Variants in NBPF20 observed in about 807,000 individuals in gnomAD.
The protein encoded by NBPF20 is NBPF member 20.
Under a neutral mutation model 68.1 loss-of-function variants are expected in NBPF20, and 90 were observed. The observed-to-expected ratio is 1.32, with a 90% CI of 1.11 to 1.58. NBPF20 has a LOEUF of 1.58. Among genes scored for constraint, NBPF20 ranks in the 40% most tolerant of loss-of-function variants. The pLI, the probability that NBPF20 is intolerant of heterozygous loss-of-function variation, is 0.00. For synonymous variants in NBPF20, 290 were observed against 228.1 expected, an observed-to-expected ratio of 1.27 and a Z score of -2.45; for missense variants, 816 against 601.2, an observed-to-expected ratio of 1.36 and a Z score of -3.74.
intron 6 of NBPF20, 72 bp downstream of exon 11, chr1:145,400,317 T>G: frequency 1.9e-6 from 3 of 1,599,812 alleles, no homozygotes; most frequent in Non-Finnish European, 1.7e-6. Context: ...TTTGTGTTTA[T>G]AGAGCCTGTC....
exon 138 of NBPF20, chr1:145,291,410 C>T (rs1362272911): frequency 1.9e-6 from 3 of 1,601,718 alleles, no homozygotes; most frequent in African/African-American, 1.3e-5. Context: ...TACAGCCATG[C>T]CCACTGACCC....
chr1:145,400,054 T>C (rs77735770), intron 6 of NBPF20, among the ~76,000 whole-genome samples: 3 of 152,246 alleles, frequency 2.0e-5, no homozygotes, highest in African/African-American at 2.4e-5. Flanking sequence ...GGCATAGAAA[T>C]TCCATGGACA....
At chr1:145,425,332 G>A in the NBPF20 span, among the ~76,000 whole-genome samples, 24 of 140,770 alleles carry the variant, frequency 1.7e-4, no homozygotes, top group African/African-American at 6.3e-4. Flanking sequence ...CCGCCCGCCC[G>A]GCCTGGCGCG....
At chr1:145,291,490 T>A (rs1341101727) in exon 138 of NBPF20, 9 of 1,611,914 alleles carry the variant, frequency 5.6e-6, no homozygotes, top group African/African-American at 1.3e-5. Flanking sequence ...AGGTCCTGCC[T>A]GCAGGAATGA....
chr1:145,292,047 G>C (rs191053052), intron 137 of NBPF20, among the ~76,000 whole-genome samples: 3 of 149,510 alleles, frequency 2.0e-5, no homozygotes, highest in African/African-American at 5.1e-5. Flanking sequence ...GGAGTCAAAG[G>C]ACACTCTGAG....
chr1:145,422,919 T>A, the NBPF20 span, among the ~76,000 whole-genome samples: 1 of 140,584 alleles, frequency 7.1e-6, no homozygotes, highest in Non-Finnish European at 1.5e-5. Flanking sequence ...AGCCAGGAGG[T>A]GGAGGTTGCA....
At chr1:145,290,387 G>A (rs1281012089) in exon 138 of NBPF20, 14 of 149,248 alleles carry the variant, frequency 9.4e-5, no homozygotes, top group Non-Finnish European at 1.6e-4. Flanking sequence ...TTCTCTGCCC[G>A]CAGATGGGCT....
At chr1:145,420,096 G>T in the NBPF20 span, among the ~76,000 whole-genome samples, 3 of 151,468 alleles carry the variant, frequency 2.0e-5, no homozygotes, top group African/African-American at 4.9e-5. Context: ...GGACAGGGAG[G>T]GGGTGAGCCA....
the NBPF20 span, among the ~76,000 whole-genome samples, chr1:145,425,241 C>G: frequency 6.6e-6 from 1 of 151,282 alleles, no homozygotes; most frequent in African/African-American, 2.4e-5. Context: ...CCCCCCACCC[C>G]GCCTCGCCCT....
Position 145,342,801 on chromosome 1 carries a change from A to C in NBPF20, c.8814-242T>G, listed in dbSNP as rs1661630099. Among the ~76,000 whole-genome samples, 6 of 116,420 alleles carry C rather than the reference A, an allele frequency of 5.2e-5. No homozygotes were observed. In the South Asian group the frequency reaches 1.6e-3, roughly 31 times the overall value. The allele number at this position is 116,420 out of a possible 152,430, so 76.4% of individuals were successfully genotyped here. A position where few individuals can be genotyped will look rare whatever the true frequency, so the allele number is the denominator to read the frequency against. The stretch of plus-strand genomic sequence containing the variant: ...CACACACACACACACACACAGACAC[A>C]CACACACACACAGAGAGAACGAGCT... On this transcript the variant is annotated intron_variant, in intron 73 of 137. Transcript: ENST00000369373.
intron 7 of NBPF20, among the ~76,000 whole-genome samples, chr1:145,398,027 G>A (rs1446034905): frequency 2.0e-5 from 3 of 151,946 alleles, no homozygotes; most frequent in African/African-American, 4.8e-5. Flanking sequence ...TTCAACAAGA[G>A]TTAACTATCC....
chr1:145,422,717 G>C, the NBPF20 span, among the ~76,000 whole-genome samples: 2 of 152,260 alleles, frequency 1.3e-5, no homozygotes, highest in African/African-American at 4.8e-5. Flanking sequence ...AGCCGGGTGG[G>C]GTGGCTCATG....
intron 6 of NBPF20, among the ~76,000 whole-genome samples, chr1:145,399,426 C>T: frequency 6.6e-6 from 1 of 152,062 alleles, no homozygotes. Context: ...GCGATACGGA[C>T]TTATATCACC....
Position 145,291,785 on chromosome 1 carries a change from A to T in NBPF20, c.16698-16T>A. The T allele has an allele frequency of 6.2e-7, 1 of 1,612,000 alleles. No homozygotes were observed. On this transcript the variant is annotated splice_polypyrimidine_tract_variant and intron_variant, in intron 137 of 137. Transcript: ENST00000369373. ...GCCGTTGAGCCTGGAAAAGGAGACA[A>T]AACTAAAGAAGCAGCCAGGGAAAAT...
chr1:145,292,729 C>A (rs1389870475), intron 136 of NBPF20, among the ~76,000 whole-genome samples: 1 of 137,222 alleles, frequency 7.3e-6, no homozygotes, highest in South Asian at 2.3e-4. Context: ...ATCATTTGTC[C>A]CAAGTTTGTG....
At chr1:145,412,341 A>T in the NBPF20 span, among the ~76,000 whole-genome samples, 1 of 152,056 alleles carries the variant, frequency 6.6e-6, no homozygotes, top group African/African-American at 2.4e-5. Context: ...GGTATTTCAG[A>T]TTAAGACACC....
chr1:145,396,817 G>A (rs1270242283), intron 7 of NBPF20, among the ~76,000 whole-genome samples: 2 of 145,886 alleles, frequency 1.4e-5, no homozygotes, highest in African/African-American at 5.1e-5. Context: ...TGTGCACAAC[G>A]TGCAGGTTAG....
chr1:145,291,617 C>G (rs782309621), exon 138 of NBPF20: 10 of 1,611,880 alleles, frequency 6.2e-6, no homozygotes, highest in Non-Finnish European at 7.6e-6. Flanking sequence ...AAGGGCGAAG[C>G]TGATGTGCTG....
intron 8 of NBPF20, 43 bp downstream of exon 13, chr1:145,394,935 G>A (rs1662150556): frequency 1.2e-6 from 2 of 1,611,482 alleles, no homozygotes; most frequent in East Asian, 2.2e-5. Flanking sequence ...GTCTACCTGG[G>A]CCATGAACTG....
Sources: allele counts gnomAD v4.1 joint callset (sites outside exome capture counted in the v4.1 genomes callset), GRCh38; gene constraint gnomAD v4.1.1; transcripts MANE v1.5; gene names NCBI Gene and HGNC (gene_info 2026-07-23, HGNC 2026-07-21).